CACNA1B: variants seen among roughly 807,000 people sequenced by gnomAD.
CACNA1B encodes voltage-dependent N-type calcium channel subunit alpha-1B.
A neutral mutation model predicts 247.2 loss-of-function variants in CACNA1B; 70 were observed. The ratio of observed to expected loss-of-function variants is 0.28; its 90% CI spans 0.23 to 0.35. The LOEUF is 0.35. Among genes scored for constraint, CACNA1B ranks in the 10% least tolerant of loss-of-function variants. The probability of loss-of-function intolerance (pLI) is 1.00; values close to 1 mark genes in which losing one functional copy is unlikely to be tolerated. For synonymous variants in CACNA1B, 1,231 were observed against 1,294.4 expected (o/e 0.95, Z 1.05); for missense variants, 2,367 against 3,197.4 (o/e 0.74, Z 6.26).
chr9:138,075,668 G>C (rs978216551), intron 34 of CACNA1B, 151 bp from the exon 35 acceptor site: 3 of 616,870 alleles, frequency 4.9e-6, no homozygotes, highest in Non-Finnish European at 8.8e-6. Context: ...ATGCACACTG[G>C]CCTCTCCCGG....
intron 36 of CACNA1B, among the ~76,000 whole-genome samples, chr9:138,094,457 A>AAAAAAAAAAAAAAAAAAGAAGAAG (rs752912258): frequency 7.4e-6 from 1 of 134,836 alleles, no homozygotes; most frequent in African/African-American, 2.7e-5. Flanking sequence ...AAAAAAAAAA[A>AAAAAAAAAAAAAAAAAAGAAGAAG]AAGAAGAAGA....
At chr9:137,937,947 C>CAAAAAAAAA (rs57680122) in intron 6 of CACNA1B, among the ~76,000 whole-genome samples, 25 of 21,936 alleles carry the variant, frequency 1.1e-3, no homozygotes, top group African/African-American at 2.5e-3. Flanking sequence ...AACTCTGTCT[C>CAAAAAAAAA]AAAAAAAAAA....
At position 137,908,616 on chromosome 9, in the gene CACNA1B, T is replaced by A. The variant is rs149914511; in HGVS notation, c.531-4564T>A. Among the ~76,000 whole-genome samples the A allele has an allele frequency of 1.0e-3, 157 of 152,286 alleles. 1 individual carries two copies. The South Asian group carries it at 0.012, about 12-fold the overall frequency. ...AGTGTACAAGTCAGTGGTTTTGGCATATTAAATTTTTAATTATTATTATTA... is the reference window on the plus strand; with the variant it reads ...AGTGTACAAGTCAGTGGTTTTGGCAAATTAAATTTTTAATTATTATTATTA... On this transcript the variant is annotated intron_variant, in intron 3 of 46. Transcript: ENST00000371372.
chr9:138,060,133 C>T (rs928691048), intron 31 of CACNA1B, among the ~76,000 whole-genome samples: 4 of 152,100 alleles, frequency 2.6e-5, no homozygotes, highest in Non-Finnish European at 5.9e-5. Flanking sequence ...CTCTCTATCT[C>T]TCTCTATATA....
chr9:138,062,806 C>G (rs528724182), intron 31 of CACNA1B, among the ~76,000 whole-genome samples: 19 of 152,322 alleles, frequency 1.2e-4, no homozygotes, highest in Admixed American at 1.0e-3. Context: ...GCTATCACAT[C>G]CTGGGTCTGT....
Position 138,087,072 on chromosome 9 carries a change from A to G in CACNA1B, c.5094+8814A>G, listed in dbSNP as rs796778237. On this transcript the variant is annotated intron_variant, in intron 36 of 46. Coordinates refer to ENST00000371372, the MANE Select transcript of CACNA1B (RefSeq NM_000718.4). ...ATTCTCCTGAAAGACAAATGGGCCA[A>G]GGAAGAAATTAAGAAGGCAGTTTTA... Among the ~76,000 whole-genome samples the G allele has an allele frequency of 2.6e-5, 4 of 151,390 alleles. 1 individual carries two copies. Among genetic ancestry groups the G allele is most frequent in the African/African-American group, 9.8e-5 (4 of 41,000 alleles).
intron 3 of CACNA1B, among the ~76,000 whole-genome samples, chr9:137,898,607 G>A (rs1957197592): frequency 6.6e-6 from 1 of 151,962 alleles, no homozygotes; most frequent in African/African-American, 2.4e-5. Context: ...CCAGGCTAAA[G>A]CAATCCTCCC....
chr9:138,045,239 G>A (rs536974591), intron 21 of CACNA1B, among the ~76,000 whole-genome samples: 14 of 152,310 alleles, frequency 9.2e-5, no homozygotes, highest in African/African-American at 3.4e-4. Flanking sequence ...TTCTGTTGTG[G>A]GGTTGGGGGG....
rs1029632133 is a variant in CACNA1B, at chr9:137,880,603, G to C, written c.390+1444G>C. On this transcript the variant is annotated intron_variant, in intron 2 of 46. Transcript: ENST00000371372. The surrounding 1 kb of genome is among the most constrained non-coding windows in gnomAD (Gnocchi z 4.8). ...AGTTCCTGCCTCGCAGGTGTGGGAG[G>C]GTTTACTTTGTGGTCATAGGTTGGG... is the stretch of plus-strand genomic sequence containing the variant. Among the ~76,000 whole-genome samples, 1 of 152,150 alleles carries C rather than the reference G, an allele frequency of 6.6e-6. No homozygotes were observed. Among genetic ancestry groups the C allele is most frequent in the Non-Finnish European group, 1.5e-5 (1 of 68,006 alleles).
At chr9:138,037,541 TC>T (rs1395407842) in intron 20 of CACNA1B, among the ~76,000 whole-genome samples, 1 of 152,018 alleles carries the variant, frequency 6.6e-6, no homozygotes, top group South Asian at 2.1e-4. Flanking sequence ...CGCCTGTAAT[TC>T]CAGCTATTCA....
chr9:137,943,239 C>T (rs1007431156), intron 6 of CACNA1B, among the ~76,000 whole-genome samples: 2 of 152,070 alleles, frequency 1.3e-5, no homozygotes, highest in Non-Finnish European at 2.9e-5. Context: ...TGGACTCTTA[C>T]GAGAGCTGTG....
chr9:137,978,198 C>G (rs988430448), intron 12 of CACNA1B, among the ~76,000 whole-genome samples: 1 of 137,514 alleles, frequency 7.3e-6, no homozygotes, highest in Non-Finnish European at 1.6e-5. Flanking sequence ...ATTGCCCCCC[C>G]CCAGGAAAGA....
intron 37 of CACNA1B, among the ~76,000 whole-genome samples, chr9:138,098,287 C>A (rs574064078): frequency 6.6e-6 from 1 of 152,258 alleles, no homozygotes; most frequent in South Asian, 2.1e-4. Context: ...TAAGCCCAGT[C>A]GACCTGGGGG....
chr9:138,056,933 GTTT>G, intron 26 of CACNA1B, among the ~76,000 whole-genome samples: 1 of 113,466 alleles, frequency 8.8e-6, no homozygotes, highest in South Asian at 3.1e-4. Context: ...TTTTATTTGG[GTTT>G]TTTTTTTTTT....
At chr9:138,098,490 A>G (rs1044665602) in intron 37 of CACNA1B, among the ~76,000 whole-genome samples, 1 of 152,168 alleles carries the variant, frequency 6.6e-6, no homozygotes, top group Non-Finnish European at 1.5e-5. Context: ...GCATGTAGTT[A>G]GTACTGAAGG....
intron 3 of CACNA1B, among the ~76,000 whole-genome samples, chr9:137,904,352 CTTTTTTTTTTTTT>C (rs11351694): frequency 6.2e-5 from 5 of 80,394 alleles, no homozygotes; most frequent in South Asian, 4.7e-4. Flanking sequence ...CTCTCTCTCT[CTTTTTTTTTTTTT>C]TTTTTTTTTG....
intron 12 of CACNA1B, among the ~76,000 whole-genome samples, chr9:137,977,584 C>T (rs1390249521): frequency 6.6e-6 from 1 of 152,146 alleles, no homozygotes; most frequent in African/African-American, 2.4e-5. Flanking sequence ...TTCTCAGACC[C>T]CGCAGGGAGC....
Position 138,122,261 on chromosome 9 carries a change from G to A in CACNA1B, c.*262G>A. Reference sequence around the variant, plus strand: ...CACACCAGACCCTAAACCGCAGGCTGCTGTGTGTGGCTGAGAAGGACCCAG... The same window carrying A: ...CACACCAGACCCTAAACCGCAGGCTACTGTGTGTGGCTGAGAAGGACCCAG... On this transcript the variant is annotated 3_prime_UTR_variant, in exon 47 of 47. Coordinates refer to ENST00000371372, the MANE Select transcript of CACNA1B (RefSeq NM_000718.4). 1.9e-6 allele frequency: 1 copy of A among 528,736 alleles called. No individual in the cohort carries two copies. The highest frequency in any genetic ancestry group is 3.1e-5 in the East Asian group (1 of 32,558). 32.8% of individuals were successfully genotyped at this position (528,736 alleles called of 1,614,324 possible). A position where few individuals can be genotyped will look rare whatever the true frequency, so the allele number is the denominator to read the frequency against.
At chr9:138,000,148 G>C (rs1030791524) in intron 15 of CACNA1B, among the ~76,000 whole-genome samples, 2 of 150,706 alleles carry the variant, frequency 1.3e-5, no homozygotes, top group Non-Finnish European at 2.9e-5. Flanking sequence ...GCCCAGGCTG[G>C]AGTGCAGTGG....
Sources: allele counts gnomAD v4.1 joint callset (sites outside exome capture counted in the v4.1 genomes callset), GRCh38; gene constraint gnomAD v4.1.1; non-coding constraint Gnocchi (gnomAD v3.1); transcripts MANE v1.5; gene names NCBI Gene and HGNC (gene_info 2026-07-23, HGNC 2026-07-21).